The following COMMD7 variants were observed in gnomAD, a reference collection of about 807,000 sequenced individuals.
COMMD7 encodes the protein COMM domain-containing protein 7.
A neutral mutation model predicts 34.8 loss-of-function variants in COMMD7; 28 were observed. The ratio of observed to expected loss-of-function variants is 0.80; its 90% confidence interval spans 0.60 to 1.10. COMMD7 has a LOEUF of 1.10. Among genes scored for constraint, COMMD7 ranks in the 50% least tolerant of loss-of-function variants. The pLI, the probability that COMMD7 is intolerant of heterozygous loss-of-function variation, is 0.00. For synonymous variants in COMMD7, 80 were observed against 86.4 expected (o/e 0.93, Z 0.41); for missense variants, 211 against 241.6 (o/e 0.87, Z 0.84).
chr20:32,710,175 C>T (rs1481997586), intron 3 of COMMD7, among the ~76,000 whole-genome samples: 2 of 152,098 alleles, frequency 1.3e-5, no homozygotes, highest in African/African-American at 4.8e-5. Flanking sequence ...ATCCCAGCCT[C>T]ATTCTAATTT....
intron 3 of COMMD7, among the ~76,000 whole-genome samples, chr20:32,718,361 G>A (rs570638806): frequency 3.3e-4 from 50 of 150,968 alleles, no homozygotes; most frequent in Admixed American, 6.0e-4. Flanking sequence ...CCGAGTTTGC[G>A]CCACTGCACT....
rs960041877 is a variant in COMMD7 at position 32,703,305 on chromosome 20, G to A, written c.*77C>T. 4 of 1,329,032 alleles carry A rather than the reference G, an allele frequency of 3.0e-6. No homozygotes were observed. Among genetic ancestry groups the A allele is most frequent in the Admixed American group, 1.9e-5 (1 of 52,038 alleles). 82.3% of individuals were successfully genotyped at this position (1,329,032 alleles called of 1,614,324 possible). A position where few individuals can be genotyped will look rare whatever the true frequency, so the allele number is the denominator to read the frequency against. ...TGGAGCATCCCACAGGCCTGTGAGT[G>A]AAGTGCCTCTCAGAGCAGTCACCCA... On this transcript the variant is annotated 3_prime_UTR_variant, in exon 9 of 9. Transcript: ENST00000278980.
intron 5 of COMMD7, among the ~76,000 whole-genome samples, chr20:32,705,531 G>A (rs113439171): frequency 0.019 from 2,945 of 151,860 alleles, 88 homozygotes; most frequent in African/African-American, 0.068. Flanking sequence ...CCACCACCAT[G>A]CCCAGCTAAT....
chr20:32,733,354 G>A (rs1471937321), intron 1 of COMMD7, among the ~76,000 whole-genome samples: 1 of 152,004 alleles, frequency 6.6e-6, no homozygotes, highest in Non-Finnish European at 1.5e-5. Flanking sequence ...GTTGAGGCGG[G>A]GGGATAACCA....
At chr20:32,728,291 A>C in intron 1 of COMMD7, 149 bp from the exon 2 acceptor site, 1 of 699,440 alleles carries the variant, frequency 1.4e-6, no homozygotes. Context: ...ACAAATGTTC[A>C]CAATACCCAC....
chr20:32,707,294 A>ATAT (rs1407347506), intron 3 of COMMD7, among the ~76,000 whole-genome samples: 153 of 129,178 alleles, frequency 1.2e-3, no homozygotes, highest in Non-Finnish European at 1.9e-3. Flanking sequence ...AAAAAAAAAA[A>ATAT]ATATATATAT....
At chr20:32,728,280 TACAAATGTTC>T in intron 1 of COMMD7, 138 bp from the exon 2 acceptor site, 1 of 754,364 alleles carries the variant, frequency 1.3e-6, no homozygotes. Context: ...ATCCTATAGT[TACAAATGTTC>T]ACAATACCCA....
chr20:32,706,253 C>A (rs375128555), intron 5 of COMMD7, among the ~76,000 whole-genome samples: 1 of 151,126 alleles, frequency 6.6e-6, no homozygotes, highest in African/African-American at 2.4e-5. Flanking sequence ...GTAGCTCATG[C>A]CTGTAATCCC....
intron 3 of COMMD7, among the ~76,000 whole-genome samples, chr20:32,707,120 A>G: frequency 8.9e-6 from 1 of 112,712 alleles, no homozygotes; most frequent in African/African-American, 2.7e-5. Flanking sequence ...AAAAATACAA[A>G]AAAAAAAAAA....
chr20:32,716,677 C>T (rs1257826592), intron 3 of COMMD7, among the ~76,000 whole-genome samples: 1 of 152,124 alleles, frequency 6.6e-6, no homozygotes, highest in Admixed American at 6.6e-5. Flanking sequence ...ACCTGTAATC[C>T]CAGCTACTCA....
At chr20:32,714,721 G>A (rs912857772) in intron 3 of COMMD7, among the ~76,000 whole-genome samples, 12 of 152,168 alleles carry the variant, frequency 7.9e-5, no homozygotes, top group South Asian at 4.1e-4. Flanking sequence ...CTACTCAGGC[G>A]GCTAAGGTAG....
Position 32,743,396 on chromosome 20 carries a change from C to A in COMMD7, c.-5G>T. The A allele has an allele frequency of 7.2e-7, 1 of 1,379,518 alleles. No individual in the cohort carries two copies. The highest frequency in any genetic ancestry group is 1.6e-5 in the South Asian group (1 of 61,004). 85.5% of individuals were successfully genotyped at this position (1,379,518 alleles called of 1,614,324 possible). A position where few individuals can be genotyped will look rare whatever the true frequency, so the allele number is the denominator to read the frequency against. Reference sequence around the variant, plus strand: ...AGTGCAGTGCAGGCGGCCCATGGCGCGCGCCCCAGCCCCGCAGGTTCCACC... The same window carrying A: ...AGTGCAGTGCAGGCGGCCCATGGCGAGCGCCCCAGCCCCGCAGGTTCCACC... On this transcript the variant is annotated 5_prime_UTR_variant, in exon 1 of 9. Coordinates refer to ENST00000278980, the MANE Select transcript of COMMD7 (RefSeq NM_053041.3).
intron 1 of COMMD7, among the ~76,000 whole-genome samples, chr20:32,735,185 C>T (rs1295508293): frequency 6.6e-6 from 1 of 150,886 alleles, no homozygotes; most frequent in Non-Finnish European, 1.5e-5. Context: ...TTGCAGTGAG[C>T]CAAGATTGCG....
intron 3 of COMMD7, among the ~76,000 whole-genome samples, chr20:32,709,092 G>A (rs1407460789): frequency 3.3e-5 from 5 of 152,088 alleles, no homozygotes; most frequent in Non-Finnish European, 7.4e-5. Context: ...CCAAAAGCAC[G>A]CTGAGATATA....
Position 32,740,151 on chromosome 20 carries a change from A to G in COMMD7, c.84+3157T>C, listed in dbSNP as rs958935111. ...GCTAACACGGTGAAACCCCATCTCT[A>G]TTAAAAATATAAAAAATCAGCCGGG... On this transcript the variant is annotated intron_variant, in intron 1 of 8. Transcript: ENST00000278980. Among the ~76,000 whole-genome samples, 6 of 141,752 alleles carry G rather than the reference A, an allele frequency of 4.2e-5. 1 individual carries two copies. The allele number at this position is 141,752 out of a possible 152,430, so 93.0% of individuals were successfully genotyped here.
At chr20:32,730,794 G>C (rs1324191796) in intron 1 of COMMD7, among the ~76,000 whole-genome samples, 3 of 152,106 alleles carry the variant, frequency 2.0e-5, no homozygotes, top group Non-Finnish European at 4.4e-5. Context: ...ACAGAGCCAG[G>C]CTGGACGCTA....
At chr20:32,721,052 T>C (rs181860189) in intron 3 of COMMD7, among the ~76,000 whole-genome samples, 194 of 152,266 alleles carry the variant, frequency 1.3e-3, no homozygotes, top group African/African-American at 4.5e-3. Context: ...CTGACCAAAA[T>C]GATAGTTACA....
chr20:32,739,162 G>A (rs920173981), intron 1 of COMMD7, among the ~76,000 whole-genome samples: 7 of 152,140 alleles, frequency 4.6e-5, no homozygotes, highest in African/African-American at 1.7e-4. Context: ...TTCTTCGTCT[G>A]TAAAATGTGA....
rs1221553176 is a variant in COMMD7 at position 32,723,136 on chromosome 20, G to C, written c.241+4757C>G. On this transcript the variant is annotated intron_variant, in intron 3 of 8. Transcript: ENST00000278980. ...TCCCTCTCCCTCTCCCTCCCTCTCC[G>C]TCTCCGTCTCCGTCTCCGTCTCCCT... 4.3e-3 allele frequency among the ~76,000 whole-genome samples: 94 copies of C among 22,032 alleles called. 3 individuals are homozygous for C. Among genetic ancestry groups the C allele is most frequent in the African/African-American group, 0.016 (91 of 5,728 alleles). The allele number at this position is 22,032 out of a possible 152,430, so 14.5% of individuals were successfully genotyped here. A position where few individuals can be genotyped will look rare whatever the true frequency, so the allele number is the denominator to read the frequency against.
Sources: gnomAD v4.1 joint callset for allele counts (sites outside exome capture counted in the v4.1 genomes callset) on GRCh38, gnomAD v4.1.1 for gene constraint, MANE v1.5 for transcripts, NCBI Gene and HGNC (gene_info 2026-07-23, HGNC 2026-07-21) for gene names.